Variants in CCDC126 observed in about 807,000 individuals in gnomAD.
CCDC126 encodes coiled-coil domain containing 126.
Under a neutral mutation model 11.7 loss-of-function variants are expected in CCDC126, and 5 were observed. The observed-to-expected ratio is 0.43, with a 90% CI of 0.22 to 0.90. CCDC126 has a LOEUF of 0.90. Among genes scored for constraint, CCDC126 ranks in the 40% least tolerant of loss-of-function variants. The probability of loss-of-function intolerance (pLI) is 0.27; values close to 1 mark genes in which losing one functional copy is unlikely to be tolerated. For synonymous variants in CCDC126, 60 were observed against 61.9 expected (o/e 0.97, Z 0.14); for missense variants, 150 against 163.1 (o/e 0.92, Z 0.44).
intron 2 of CCDC126, among the ~76,000 whole-genome samples, chr7:23,601,180 T>A (rs1465430922): frequency 6.6e-6 from 1 of 152,188 alleles, no homozygotes; most frequent in Non-Finnish European, 1.5e-5. Context: ...GCTCAAGAGT[T>A]TGAGACCAGC....
At chr7:23,602,415 A>G (rs1170838715) in intron 2 of CCDC126, among the ~76,000 whole-genome samples, 1 of 152,204 alleles carries the variant, frequency 6.6e-6, no homozygotes, top group Non-Finnish European at 1.5e-5. Flanking sequence ...TTTTCTTTGT[A>G]AACACCACCA....
At chr7:23,638,547 T>A (rs979136169) in intron 3 of CCDC126, among the ~76,000 whole-genome samples, 2 of 123,060 alleles carry the variant, frequency 1.6e-5, no homozygotes, top group Admixed American at 1.7e-4. Context: ...CACCACTCCC[T>A]AATCTTAAGT....
At chr7:23,608,069 T>C (rs1379673370) in intron 2 of CCDC126, among the ~76,000 whole-genome samples, 3 of 152,218 alleles carry the variant, frequency 2.0e-5, no homozygotes, top group Non-Finnish European at 4.4e-5. Flanking sequence ...AGGAGAAACG[T>C]GCATGCACAA....
At chr7:23,638,728 A>AAAAAAAAAAAAAAAAAAAC (rs1783292779) in intron 3 of CCDC126, among the ~76,000 whole-genome samples, 1 of 32,550 alleles carries the variant, frequency 3.1e-5, no homozygotes, top group African/African-American at 2.0e-4. Flanking sequence ...AAAAAAAATT[A>AAAAAAAAAAAAAAAAAAAC]AAAAAAAAAA....
chr7:23,640,131 C>T (rs1416417774), intron 3 of CCDC126, among the ~76,000 whole-genome samples: 4 of 151,234 alleles, frequency 2.6e-5, no homozygotes, highest in South Asian at 4.2e-4. Flanking sequence ...TGCAGTGATC[C>T]GAAATTGCTC....
chr7:23,615,815 A>G (rs1782787080), intron 3 of CCDC126, among the ~76,000 whole-genome samples: 1 of 152,232 alleles, frequency 6.6e-6, no homozygotes, highest in Non-Finnish European at 1.5e-5. Flanking sequence ...TCTTATATAG[A>G]TAGAATTCAA....
At chr7:23,640,965 T>C (rs1783343498) in intron 3 of CCDC126, among the ~76,000 whole-genome samples, 1 of 151,782 alleles carries the variant, frequency 6.6e-6, no homozygotes, top group Non-Finnish European at 1.5e-5. Context: ...GGTGTATAAG[T>C]ATCCCTCTGA....
rs781093083 is a variant in CCDC126 at position 23,609,825 on chromosome 7, G to C, written c.-145-1346G>C. 2.6e-5 allele frequency among the ~76,000 whole-genome samples: 4 copies of C among 152,176 alleles called. No homozygotes were observed. The East Asian group carries it at 7.7e-4, about 29-fold the overall frequency. ...TGCAGTGAGCTGAGATTGCACCACT[G>C]TACTCCAGCCTGAGTGACAGAGCGA... On this transcript the variant is annotated intron_variant, in intron 2 of 3. Coordinates refer to ENST00000307471, the MANE Select transcript of CCDC126 (RefSeq NM_138771.4).
chr7:23,637,252 TG>T (rs1194894470), intron 3 of CCDC126, among the ~76,000 whole-genome samples: 9 of 4,002 alleles, frequency 2.2e-3, no homozygotes, highest in African/African-American at 3.9e-3. Flanking sequence ...GGGAGGGAGG[TG>T]GGGGGGGTCA....
At chr7:23,635,896 CCCACGGTCTCCTT>C (rs1251592693) in intron 3 of CCDC126, among the ~76,000 whole-genome samples, 3 of 151,804 alleles carry the variant, frequency 2.0e-5, no homozygotes, top group East Asian at 1.9e-4. Flanking sequence ...TCTCCCTCTC[CCCACGGTCTCCTT>C]CCACGGTCTC....
intron 3 of CCDC126, among the ~76,000 whole-genome samples, chr7:23,623,747 C>G (rs1224496592): frequency 6.6e-6 from 1 of 152,104 alleles, no homozygotes; most frequent in African/African-American, 2.4e-5. Context: ...GTTCTCATCA[C>G]AGAAATATAT....
intron 2 of CCDC126, among the ~76,000 whole-genome samples, chr7:23,609,620 C>T (rs895121057): frequency 2.6e-5 from 4 of 152,182 alleles, no homozygotes; most frequent in Non-Finnish European, 5.9e-5. Context: ...CTAATCCCAG[C>T]ACTTTGGGAG....
At chr7:23,642,165 C>T (rs977466550) in intron 3 of CCDC126, among the ~76,000 whole-genome samples, 2 of 152,026 alleles carry the variant, frequency 1.3e-5, no homozygotes, top group Admixed American at 1.3e-4. Context: ...GCGCATGCCA[C>T]CAGGCCCGGC....
At chr7:23,631,031 C>T (rs1783101587) in intron 3 of CCDC126, among the ~76,000 whole-genome samples, 1 of 151,900 alleles carries the variant, frequency 6.6e-6, no homozygotes, top group Non-Finnish European at 1.5e-5. Flanking sequence ...TAGATTTATG[C>T]ACTAAGTGCA....
At chr7:23,610,267 A>G (rs1782686517) in intron 2 of CCDC126, among the ~76,000 whole-genome samples, 1 of 152,204 alleles carries the variant, frequency 6.6e-6, no homozygotes, top group South Asian at 2.1e-4. Context: ...GCTGGAGTAC[A>G]GTGGAATGAT....
intron 3 of CCDC126, among the ~76,000 whole-genome samples, chr7:23,640,326 C>T (rs1033253315): frequency 4.0e-5 from 6 of 151,030 alleles, no homozygotes; most frequent in Non-Finnish European, 8.9e-5. Flanking sequence ...GGAGAAACCC[C>T]ACATCTACTA....
intron 3 of CCDC126, among the ~76,000 whole-genome samples, chr7:23,630,386 CT>C (rs1783088684): frequency 6.6e-6 from 1 of 152,058 alleles, no homozygotes; most frequent in African/African-American, 2.4e-5. Context: ...GTAATTCCAG[CT>C]ACTCAGGAGG....
intron 3 of CCDC126, among the ~76,000 whole-genome samples, chr7:23,627,348 C>A (rs1304109567): frequency 6.6e-6 from 1 of 150,714 alleles, no homozygotes; most frequent in Non-Finnish European, 1.5e-5. Flanking sequence ...GACCCTGGCT[C>A]TAAAAAAAAA....
At chr7:23,617,322 T>C (rs903501783) in intron 3 of CCDC126, among the ~76,000 whole-genome samples, 58 of 117,254 alleles carry the variant, frequency 4.9e-4, no homozygotes, top group African/African-American at 1.9e-3. Flanking sequence ...CTCTCTAATC[T>C]GGGGAACAGA....
Sources: gnomAD v4.1 joint callset for allele counts (sites outside exome capture counted in the v4.1 genomes callset) on GRCh38, gnomAD v4.1.1 for gene constraint, MANE v1.5 for transcripts, NCBI Gene and HGNC (gene_info 2026-07-23, HGNC 2026-07-21) for gene names.